Variants in NID1 observed in about 807,000 individuals in gnomAD.
The protein encoded by NID1 is nidogen-1.
A neutral mutation model predicts 130.6 loss-of-function variants in NID1; 76 were observed. The ratio of observed to expected loss-of-function variants is 0.58; its 90% CI spans 0.48 to 0.70. NID1 has a LOEUF of 0.70. Ranked by LOEUF, NID1 falls within the 30% of genes least tolerant of loss-of-function variation. NID1 has a pLI of 0.00. For synonymous variants in NID1, 665 were observed against 675.1 expected (o/e 0.98, Z 0.23); for missense variants, 1,517 against 1,664.8 (o/e 0.91, Z 1.54).
rs1472372993 is a variant in NID1, at chr1:236,048,700, T to C, written c.515A>G (p.Gln172Arg). ...TGGAGGGGAGCTTACCTTGCCTTTCTGGTCTGGGTCCCTGCTGGGCCCTTG... is the reference window on the plus strand; with the variant it reads ...TGGAGGGGAGCTTACCTTGCCTTTCCGGTCTGGGTCCCTGCTGGGCCCTTG... ...PYQGPSRDPD[Q>R]KGKRNTFQAV... is the part of the protein sequence containing the mutation. The change falls in exon 2 of 20, where the codon CAG becomes CGG. Residue 172 changes from glutamine to arginine, a missense_variant. Coordinates refer to ENST00000264187, the MANE Select transcript of NID1 (RefSeq NM_002508.3). The C allele has an allele frequency of 1.9e-6, 3 of 1,609,228 alleles. No homozygotes were observed. The highest frequency in any genetic ancestry group is 2.2e-5 in the East Asian group (1 of 44,884).
chr1:235,989,547 T>G (rs1203327923), intron 14 of NID1, among the ~76,000 whole-genome samples: 1 of 152,208 alleles, frequency 6.6e-6, no homozygotes, highest in Non-Finnish European at 1.5e-5. Context: ...AACCAATACC[T>G]CCATGAAACA....
In NID1 at chr1:236,039,799, C is replaced by T. The variant is rs551575658; in HGVS notation, c.1136-1546G>A. ...GCTTTATAAAGACAGCGTTTGGAGC[C>T]GAGCACACTTGAGCCCTGAACTGAA... On this transcript the variant is annotated intron_variant, in intron 4 of 19. Transcript: ENST00000264187. 3.9e-5 allele frequency among the ~76,000 whole-genome samples: 6 copies of T among 152,220 alleles called. No homozygotes were observed. In the South Asian group the frequency reaches 1.0e-3, roughly 26 times the overall value.
At chr1:235,980,355 A>T (rs2102791198) in intron 17 of NID1, 141 bp downstream of exon 17, 1 of 810,514 alleles carries the variant, frequency 1.2e-6, no homozygotes, top group Non-Finnish European at 1.9e-6. Context: ...AATGTACCAG[A>T]TAAAACCGTA....
intron 15 of NID1, among the ~76,000 whole-genome samples, chr1:235,983,307 G>A (rs753439576): frequency 5.9e-5 from 9 of 152,304 alleles, no homozygotes; most frequent in South Asian, 4.1e-4. Context: ...AAGAAAGCCC[G>A]CCAGAGGAAG....
intron 2 of NID1, among the ~76,000 whole-genome samples, chr1:236,048,227 C>A (rs573510748): frequency 6.6e-6 from 1 of 150,864 alleles, no homozygotes; most frequent in African/African-American, 2.4e-5. Context: ...CCCAGCTACT[C>A]GGGAGGCTGA....
intron 3 of NID1, 37 bp from the exon 4 acceptor site, chr1:236,042,329 C>T (rs930981695): frequency 6.4e-7 from 1 of 1,574,592 alleles, no homozygotes; most frequent in African/African-American, 1.4e-5. Flanking sequence ...AACAGGCCAG[C>T]AACCCACCAA....
chr1:235,988,918 G>A (rs761829668), intron 14 of NID1, among the ~76,000 whole-genome samples: 27 of 152,088 alleles, frequency 1.8e-4, no homozygotes, highest in Admixed American at 3.9e-4. Context: ...TTGGGATGAT[G>A]AAAAAGTTCT....
At chr1:235,996,494 G>C (rs1003148456) in intron 12 of NID1, among the ~76,000 whole-genome samples, 14 of 151,986 alleles carry the variant, frequency 9.2e-5, no homozygotes, top group Non-Finnish European at 1.5e-5. Context: ...CCAGGCTGGA[G>C]TGCAGTGGTG....
intron 6 of NID1, 149 bp downstream of exon 6, chr1:236,032,252 A>T: frequency 1.1e-6 from 1 of 897,810 alleles, no homozygotes; most frequent in Non-Finnish European, 1.7e-6. Context: ...CCAAGACAGA[A>T]CTACAGGATG....
chr1:235,985,712 A>G (rs1013823620), intron 14 of NID1, among the ~76,000 whole-genome samples: 3 of 151,660 alleles, frequency 2.0e-5, no homozygotes, highest in Non-Finnish European at 4.4e-5. Flanking sequence ...GCACATCTAT[A>G]TGTATAGGAA....
intron 1 of NID1, among the ~76,000 whole-genome samples, chr1:236,049,210 A>G (rs1659696306): frequency 6.6e-6 from 1 of 152,136 alleles, no homozygotes; most frequent in South Asian, 2.1e-4. Context: ...ATCCTAGTGA[A>G]TTTACTCGAA....
In NID1 at chr1:235,985,254, T is replaced by C. The variant is rs948135400; in HGVS notation, c.3055+125A>G. 31 of 983,788 alleles carry C rather than the reference T, an allele frequency of 3.2e-5. No individual in the cohort carries two copies. In the East Asian group the frequency reaches 6.9e-4, roughly 22 times the overall value. 60.9% of individuals were successfully genotyped at this position (983,788 alleles called of 1,614,324 possible). On this transcript the variant is annotated intron_variant, in intron 15 of 19. Coordinates refer to ENST00000264187, the MANE Select transcript of NID1 (RefSeq NM_002508.3). ...AACTTTACACACTTTATCGTAGTAA[T>C]GCAACAAAAGACTGAGAAATGTTTG...
Position 236,013,273 on chromosome 1 carries a change from G to A in NID1, c.2404+138C>T. 3.3e-6 allele frequency: 3 copies of A among 915,220 alleles called. No homozygotes were observed. The South Asian group carries it at 5.0e-5, about 15-fold the overall frequency. The allele number at this position is 915,220 out of a possible 1,614,324, so 56.7% of individuals were successfully genotyped here. A position where few individuals can be genotyped will look rare whatever the true frequency, so the allele number is the denominator to read the frequency against. On this transcript the variant is annotated intron_variant, in intron 11 of 19. Transcript: ENST00000264187. Reference sequence around the variant, plus strand: ...TCAAACTACTAGAGAGATATAAAAAGCAACACATTTACTCTGTGGAGATGA... The same window carrying A: ...TCAAACTACTAGAGAGATATAAAAAACAACACATTTACTCTGTGGAGATGA...
intron 7 of NID1, among the ~76,000 whole-genome samples, 184 bp from the exon 8 acceptor site, chr1:236,026,325 A>G (rs965434822): frequency 9.2e-5 from 14 of 152,358 alleles, no homozygotes; most frequent in African/African-American, 1.7e-4. Flanking sequence ...GACTCATTCT[A>G]TGAAATACCT....
rs772962484 is a variant in NID1, at chr1:236,026,014, G to A, written c.1866C>T (p.Asp622=). ...GGGTGCTGGGCAGGGCTGGCCGGGA[G>A]TCATCGTGGACGCATTCCTGGAAGG... ...TITFQECVHD[D]SRPALPSTQQ... is the part of the protein sequence containing the mutation. The change falls in exon 8 of 20, where the codon GAC becomes GAT. Residue 622 remains aspartate, a synonymous_variant. Transcript: ENST00000264187. The A allele has an allele frequency of 6.2e-7, 1 of 1,613,770 alleles. No homozygotes were observed. The highest frequency in any genetic ancestry group is 1.1e-5 in the South Asian group (1 of 91,056).
intron 8 of NID1, among the ~76,000 whole-genome samples, chr1:236,025,185 C>A (rs1658886680): frequency 6.6e-6 from 1 of 151,824 alleles, no homozygotes; most frequent in African/African-American, 2.4e-5. Flanking sequence ...GTCCTGGCCT[C>A]AGGTGATCCG....
chr1:235,980,467 G>A (rs1044523375), intron 17 of NID1, 29 bp downstream of exon 17: 20 of 1,612,290 alleles, frequency 1.2e-5, no homozygotes, highest in Non-Finnish European at 1.6e-5. Flanking sequence ...ATTGAGACCC[G>A]CCCTGGACAG....
chr1:236,062,605 G>T, intron 1 of NID1, among the ~76,000 whole-genome samples: 1 of 131,660 alleles, frequency 7.6e-6, no homozygotes, highest in East Asian at 2.2e-4. Context: ...CTGTACTCTA[G>T]CCTGGGCAAC....
intron 19 of NID1, among the ~76,000 whole-genome samples, chr1:235,978,591 T>A (rs187652546): frequency 3.9e-5 from 6 of 152,218 alleles, no homozygotes; most frequent in African/African-American, 1.4e-4. Flanking sequence ...TCTAAGTGAG[T>A]TGATATATGT....
Sources: allele counts gnomAD v4.1 joint callset (sites outside exome capture counted in the v4.1 genomes callset), GRCh38; gene constraint gnomAD v4.1.1; transcripts MANE v1.5; gene names NCBI Gene and HGNC (gene_info 2026-07-23, HGNC 2026-07-21).